The following STAG1 variants were observed in gnomAD, a reference collection of about 807,000 sequenced individuals.
STAG1 encodes STAG1 cohesin complex component.
Under a neutral mutation model 170.9 loss-of-function variants are expected in STAG1, and 26 were observed. That is an observed-to-expected ratio of 0.15 (90% CI 0.11 to 0.21). The LOEUF (loss-of-function observed/expected upper bound fraction) is 0.21. STAG1 is among the 10% of genes least tolerant of loss of function. STAG1 has a pLI of 1.00. For synonymous variants in STAG1, 514 were observed against 497.7 expected (o/e 1.03, Z -0.44); for missense variants, 964 against 1,509.5 (o/e 0.64, Z 5.99).
At chr3:136,673,666 T>C (rs1942042050) in intron 1 of STAG1, among the ~76,000 whole-genome samples, 1 of 151,996 alleles carries the variant, frequency 6.6e-6, no homozygotes, top group African/African-American at 2.4e-5. Context: ...GAAAAATTTT[T>C]CACCTCAAAG....
At position 136,454,688 on chromosome 3, in the gene STAG1, T is replaced by C. The variant is rs533303827; in HGVS notation, c.1314-2541A>G. On this transcript the variant is annotated intron_variant, in intron 13 of 33. Transcript: ENST00000383202. ...AGCCACCATGCCCAGTTTGTGCCAATTTAAATAATTCCATTTATTGCATAT... is the reference window on the plus strand; with the variant it reads ...AGCCACCATGCCCAGTTTGTGCCAACTTAAATAATTCCATTTATTGCATAT... Among the ~76,000 whole-genome samples, 12 of 152,322 alleles carry C rather than the reference T, an allele frequency of 7.9e-5. No individual in the cohort carries two copies. The South Asian group carries it at 2.5e-3, about 32-fold the overall frequency.
At chr3:136,746,450 A>G (rs1180155157) in intron 1 of STAG1, among the ~76,000 whole-genome samples, 2 of 151,998 alleles carry the variant, frequency 1.3e-5, no homozygotes, top group Non-Finnish European at 2.9e-5. Context: ...AAAACTCACA[A>G]TGTTTTAAGA....
chr3:136,343,077 CCTAA>C (rs1560045116), intron 30 of STAG1, among the ~76,000 whole-genome samples: 2 of 152,170 alleles, frequency 1.3e-5, no homozygotes, highest in Admixed American at 6.5e-5. Flanking sequence ...CTATTTTCAA[CCTAA>C]CTAAATTTGT....
intron 4 of STAG1, among the ~76,000 whole-genome samples, chr3:136,578,924 T>C (rs1937535951): frequency 6.6e-6 from 1 of 152,226 alleles, no homozygotes; most frequent in Non-Finnish European, 1.5e-5. Flanking sequence ...AGGTTAAATA[T>C]GGCTAAAAGG....
chr3:136,340,976 T>C (rs1227964826), intron 31 of STAG1, among the ~76,000 whole-genome samples: 1 of 152,220 alleles, frequency 6.6e-6, no homozygotes. Flanking sequence ...TGGCGTGATC[T>C]TGACTCACTA....
At chr3:136,719,270 T>G (rs1933063623) in intron 1 of STAG1, among the ~76,000 whole-genome samples, 1 of 152,146 alleles carries the variant, frequency 6.6e-6, no homozygotes. Flanking sequence ...TAAGAGCATA[T>G]AAATGATTCC....
chr3:136,557,782 G>A lies in STAG1; in HGVS notation c.394+10983C>T, dbSNP rs187198950. 2.3e-3 allele frequency among the ~76,000 whole-genome samples: 354 copies of A among 151,998 alleles called. 3 individuals carry two copies. Among genetic ancestry groups the A allele is most frequent in the African/African-American group, 7.4e-3 (306 of 41,464 alleles). On this transcript the variant is annotated intron_variant, in intron 5 of 33. Transcript: ENST00000383202. The stretch of plus-strand genomic sequence containing the variant: ...TTGAACACCTGACCTCAAGTGATCC[G>A]CCTGCCTCAGCCTCCCAAAGTGCTA...
At chr3:136,588,541 T>C (rs1485448048) in intron 4 of STAG1, among the ~76,000 whole-genome samples, 1 of 152,166 alleles carries the variant, frequency 6.6e-6, no homozygotes, top group East Asian at 1.9e-4. Flanking sequence ...GGTTTCACCA[T>C]GTTAGCTAGG....
chr3:136,513,106 AG>A (rs1934158448), intron 7 of STAG1, among the ~76,000 whole-genome samples: 1 of 152,088 alleles, frequency 6.6e-6, no homozygotes, highest in Non-Finnish European at 1.5e-5. Flanking sequence ...AGGGCCTCCC[AG>A]CCCTTTGGGA....
chr3:136,417,661 A>T, intron 21 of STAG1: 1 of 425,144 alleles, frequency 2.4e-6, no homozygotes, highest in Non-Finnish European at 4.2e-6. Flanking sequence ...TAACAGTAAA[A>T]TTTTTAAGAT....
chr3:136,563,970 C>G (rs1936953774), intron 5 of STAG1, among the ~76,000 whole-genome samples: 3 of 151,838 alleles, frequency 2.0e-5, no homozygotes, highest in African/African-American at 7.3e-5. Flanking sequence ...TTGCAGTGAG[C>G]CGAGATCGCA....
chr3:136,723,990 C>T (rs985040377), intron 1 of STAG1, among the ~76,000 whole-genome samples: 5 of 150,764 alleles, frequency 3.3e-5, no homozygotes, highest in South Asian at 2.1e-4. Context: ...GGGGGGTCAG[C>T]CCCCCGCACA....
chr3:136,423,179 A>G lies in STAG1; in HGVS notation c.1651-135T>C, dbSNP rs1465036992. On this transcript the variant is annotated intron_variant, in intron 16 of 33. Coordinates refer to ENST00000383202, the MANE Select transcript of STAG1 (RefSeq NM_005862.3). ...AAACTTAATGACTGAAATAAACACA[A>G]GAAAGTTTATGCAAATTTTTACATA... is the stretch of plus-strand genomic sequence containing the variant. 3 of 567,664 alleles carry G rather than the reference A, an allele frequency of 5.3e-6. No homozygotes were observed. The African/African-American group carries it at 5.7e-5, about 11-fold the overall frequency. The allele number at this position is 567,664 out of a possible 1,614,324, so 35.2% of individuals were successfully genotyped here.
At chr3:136,372,044 T>C (rs1937368612) in intron 23 of STAG1, among the ~76,000 whole-genome samples, 1 of 152,222 alleles carries the variant, frequency 6.6e-6, no homozygotes, top group Non-Finnish European at 1.5e-5. Flanking sequence ...AGCAGTGGTT[T>C]GTAGTTCTCC....
At chr3:136,633,484 G>C (rs1371678187) in intron 1 of STAG1, among the ~76,000 whole-genome samples, 1 of 152,050 alleles carries the variant, frequency 6.6e-6, no homozygotes. Flanking sequence ...TGGATCACTT[G>C]AGGTCAGGAG....
intron 13 of STAG1, among the ~76,000 whole-genome samples, chr3:136,462,712 T>A (rs1360829319): frequency 1.3e-5 from 2 of 152,208 alleles, no homozygotes; most frequent in African/African-American, 4.8e-5. Context: ...TTTGAGGTGA[T>A]GGATATCCCA....
intron 1 of STAG1, among the ~76,000 whole-genome samples, chr3:136,633,634 A>G (rs1576693016): frequency 7.2e-6 from 1 of 138,180 alleles, no homozygotes; most frequent in South Asian, 2.3e-4. Context: ...CGGAAGGCAG[A>G]GGTTGCAGTG....
chr3:136,663,874 C>T (rs1279784045), intron 1 of STAG1, among the ~76,000 whole-genome samples: 2 of 151,994 alleles, frequency 1.3e-5, no homozygotes, highest in Non-Finnish European at 2.9e-5. Flanking sequence ...CGAGATCCAA[C>T]TAAGAAAAAG....
At chr3:136,542,008 T>C (rs921854746) in intron 6 of STAG1, 111 bp downstream of exon 6, 30 of 775,390 alleles carry the variant, frequency 3.9e-5, no homozygotes, top group Admixed American at 7.4e-5. Context: ...AATTAAAAAA[T>C]AGATTTTCAG....
Sources: gnomAD v4.1 joint callset for allele counts (sites outside exome capture counted in the v4.1 genomes callset) on GRCh38, gnomAD v4.1.1 for gene constraint, MANE v1.5 for transcripts, NCBI Gene and HGNC (gene_info 2026-07-23, HGNC 2026-07-21) for gene names.